Variants in PBX3 observed in about 807,000 individuals in gnomAD.
The protein encoded by PBX3 is PBX homeobox 3.
In PBX3, 14 loss-of-function variants were observed where a neutral mutation model predicts 48.5. The observed-to-expected ratio is 0.29, with a 90% CI of 0.19 to 0.45. The LOEUF (loss-of-function observed/expected upper bound fraction) is 0.45. PBX3 is among the 20% of genes least tolerant of loss of function. The pLI, the probability that PBX3 is intolerant of heterozygous loss-of-function variation, is 1.00. For missense variants in PBX3, 386 were observed against 546.7 expected (o/e 0.71, Z 2.93); for synonymous variants, 210 against 200.3 (o/e 1.05, Z -0.41).
At chr9:125,747,687 T>C (rs1836230692) in intron 1 of PBX3, 34 bp downstream of exon 1, 1 of 1,503,024 alleles carries the variant, frequency 6.7e-7, no homozygotes, top group Middle Eastern at 1.7e-4. Context: ...CTTTTGTGTG[T>C]GTGCGGGAGC....
At chr9:125,853,432 G>A (rs1839635132) in intron 2 of PBX3, among the ~76,000 whole-genome samples, 1 of 152,196 alleles carries the variant, frequency 6.6e-6, no homozygotes, top group East Asian at 1.9e-4. Context: ...GATAATACCT[G>A]TTTGTAAGGG....
intron 5 of PBX3, among the ~76,000 whole-genome samples, chr9:125,939,894 G>A (rs937377838): frequency 6.6e-6 from 1 of 152,102 alleles, no homozygotes; most frequent in African/African-American, 2.4e-5. Context: ...AAACATAAAG[G>A]AAAGAAAGGC....
intron 4 of PBX3, 91 bp from the exon 5 acceptor site, chr9:125,935,381 A>C: frequency 9.0e-7 from 1 of 1,117,024 alleles, no homozygotes; most frequent in Non-Finnish European, 1.3e-6. Context: ...AAAAAGAGAA[A>C]TCTACTTTTT....
intron 5 of PBX3, among the ~76,000 whole-genome samples, chr9:125,950,181 G>A (rs1464008277): frequency 6.6e-6 from 1 of 152,172 alleles, no homozygotes; most frequent in Non-Finnish European, 1.5e-5. Flanking sequence ...ATGTACTGTG[G>A]CCGCAAGGCT....
intron 2 of PBX3, among the ~76,000 whole-genome samples, chr9:125,845,833 CTG>C (rs1839413691): frequency 6.6e-6 from 1 of 151,948 alleles, no homozygotes; most frequent in African/African-American, 2.4e-5. Context: ...AGTAATCTGA[CTG>C]TAATTTATCT....
intron 3 of PBX3, among the ~76,000 whole-genome samples, chr9:125,919,350 G>T (rs1243398533): frequency 6.9e-6 from 1 of 145,964 alleles, no homozygotes; most frequent in African/African-American, 2.5e-5. Flanking sequence ...CTGCCATCAT[G>T]CCCGTCTAAT....
At chr9:125,899,274 CAT>C (rs1278322848) in intron 2 of PBX3, among the ~76,000 whole-genome samples, 1 of 104,512 alleles carries the variant, frequency 9.6e-6, no homozygotes, top group African/African-American at 3.7e-5. Flanking sequence ...TATAAATATA[CAT>C]ATGTATATAT....
intron 2 of PBX3, among the ~76,000 whole-genome samples, chr9:125,886,001 T>C (rs535618237): frequency 9.9e-5 from 15 of 152,150 alleles, no homozygotes; most frequent in Non-Finnish European, 1.5e-4. Context: ...GTCTTTGTTC[T>C]TGTTTATAAA....
chr9:125,889,109 C>G (rs946381234), intron 2 of PBX3, among the ~76,000 whole-genome samples: 10 of 152,184 alleles, frequency 6.6e-5, no homozygotes, highest in Non-Finnish European at 1.3e-4. Flanking sequence ...GGATAACAGC[C>G]CTATACACCA....
rs1180105370 is a variant in PBX3 at position 125,747,402 on chromosome 9, CCGCCTCAGCCTT to C, written c.-41_-30del. The C allele has an allele frequency of 5.7e-6, 7 of 1,233,814 alleles. No individual in the cohort carries two copies. The highest frequency in any genetic ancestry group is 3.2e-5 in the East Asian group (1 of 31,484). The allele number at this position is 1,233,814 out of a possible 1,614,324, so 76.4% of individuals were successfully genotyped here. A position where few individuals can be genotyped will look rare whatever the true frequency, so the allele number is the denominator to read the frequency against. ...TCCCTCGTCGCCGCCGCCGCCGCCG[CCGCCTCAGCCTT>C]CGCCTCAGCCGCCGCCCGCTCCCGC... On this transcript the variant is annotated 5_prime_UTR_variant, in exon 1 of 9. Transcript: ENST00000373489.
At chr9:125,847,914 T>C (rs942831850) in intron 2 of PBX3, among the ~76,000 whole-genome samples, 20 of 151,956 alleles carry the variant, frequency 1.3e-4, no homozygotes, top group African/African-American at 4.6e-4. Flanking sequence ...GTGATAGGTG[T>C]GTTTCTTATT....
intron 2 of PBX3, among the ~76,000 whole-genome samples, chr9:125,819,769 T>TG (rs1838593657): frequency 6.6e-6 from 1 of 152,166 alleles, no homozygotes; most frequent in South Asian, 2.1e-4. Context: ...CCTGTACTCT[T>TG]CACTTTTAAG....
At chr9:125,869,282 A>G (rs1242909172) in intron 2 of PBX3, among the ~76,000 whole-genome samples, 1 of 152,236 alleles carries the variant, frequency 6.6e-6, no homozygotes, top group African/African-American at 2.4e-5. Context: ...GGATAGAGTA[A>G]GAAAGCCCAA....
intron 3 of PBX3, among the ~76,000 whole-genome samples, chr9:125,924,850 C>T (rs1027604381): frequency 6.6e-6 from 1 of 152,132 alleles, no homozygotes; most frequent in Non-Finnish European, 1.5e-5. Flanking sequence ...CAGCTGTTTT[C>T]CTTGGCATGG....
intron 2 of PBX3, among the ~76,000 whole-genome samples, chr9:125,796,098 A>G (rs1251661122): frequency 6.6e-6 from 1 of 152,194 alleles, no homozygotes; most frequent in Non-Finnish European, 1.5e-5. Context: ...TACAATTAGT[A>G]ATGTGCAGTG....
chr9:125,820,132 A>G (rs370433643), intron 2 of PBX3, among the ~76,000 whole-genome samples: 46 of 152,358 alleles, frequency 3.0e-4, no homozygotes, highest in South Asian at 1.4e-3. Context: ...GCACTGTGAA[A>G]AAGATGAAGA....
intron 2 of PBX3, among the ~76,000 whole-genome samples, chr9:125,829,321 T>G (rs1408493742): frequency 6.6e-6 from 1 of 152,208 alleles, no homozygotes; most frequent in Non-Finnish European, 1.5e-5. Context: ...GATTCATTAT[T>G]TAATTTTTAA....
chr9:125,851,705 TG>T (rs748363224), intron 2 of PBX3, among the ~76,000 whole-genome samples: 1 of 152,140 alleles, frequency 6.6e-6, no homozygotes, highest in Non-Finnish European at 1.5e-5. Context: ...AGTAATGTTT[TG>T]TCTGCATTAT....
At chr9:125,917,667 A>G (rs1841364773) in intron 3 of PBX3, among the ~76,000 whole-genome samples, 1 of 152,118 alleles carries the variant, frequency 6.6e-6, no homozygotes, top group Non-Finnish European at 1.5e-5. Flanking sequence ...TGCCTTTTCT[A>G]ATATTCTGGA....
Sources: allele counts gnomAD v4.1 joint callset (sites outside exome capture counted in the v4.1 genomes callset), GRCh38; gene constraint gnomAD v4.1.1; transcripts MANE v1.5; gene names NCBI Gene and HGNC (gene_info 2026-07-23, HGNC 2026-07-21).